Variants in LUZP1 observed in about 807,000 individuals in gnomAD.
LUZP1 encodes the protein leucine zipper protein 1.
In LUZP1, 25 loss-of-function variants were observed where a neutral mutation model predicts 71.3. That is an observed-to-expected ratio of 0.35 (90% CI 0.26 to 0.49). The LOEUF (loss-of-function observed/expected upper bound fraction) is 0.49. LUZP1 is among the 20% of genes least tolerant of loss of function. The pLI, the probability that LUZP1 is intolerant of heterozygous loss-of-function variation, is 0.99. For missense variants in LUZP1, 1,142 were observed against 1,300.8 expected, an observed-to-expected ratio of 0.88 and a Z score of 1.88; for synonymous variants, 481 against 506.4, an observed-to-expected ratio of 0.95 and a Z score of 0.67.
intron 2 of LUZP1, among the ~76,000 whole-genome samples, chr1:23,136,232 C>A (rs1007795661): frequency 6.6e-6 from 1 of 151,552 alleles, no homozygotes; most frequent in Middle Eastern, 3.2e-3. Context: ...CAGGGCCAGG[C>A]GCAGTGGCTC....
At chr1:23,153,662 TTTTTGTTTTG>T (rs370339175) in intron 2 of LUZP1, among the ~76,000 whole-genome samples, 12 of 152,308 alleles carry the variant, frequency 7.9e-5, no homozygotes, top group African/African-American at 9.6e-5. Context: ...CTCTTACCTG[TTTTTGTTTTG>T]TTTTGTTTTG....
chr1:23,142,696 TATATACACACACAC>T (rs1210176123), intron 2 of LUZP1, among the ~76,000 whole-genome samples: 1,196 of 90,858 alleles, frequency 0.013, 15 homozygotes, highest in East Asian at 0.051. Context: ...AATATATATA[TATATACACACACAC>T]ACACACACAC....
At chr1:23,166,412 T>C (rs1296136596) in intron 2 of LUZP1, among the ~76,000 whole-genome samples, 1 of 151,992 alleles carries the variant, frequency 6.6e-6, no homozygotes, top group Non-Finnish European at 1.5e-5. Context: ...CCCAGCACTT[T>C]GGGAGGCCGA....
rs1643814794 is a variant in LUZP1, at chr1:23,089,152, G to A, written c.3073-99C>T. 13 of 1,171,656 alleles carry A rather than the reference G, an allele frequency of 1.1e-5. No individual in the cohort carries two copies. The South Asian group carries it at 1.7e-4, about 15-fold the overall frequency. 72.6% of individuals were successfully genotyped at this position (1,171,656 alleles called of 1,614,324 possible). A position where few individuals can be genotyped will look rare whatever the true frequency, so the allele number is the denominator to read the frequency against. ...ATAGTGGGTCCTTTCCAACCCAGCA[G>A]AGGCAGATATAGCCCAGACAGGCCA... On this transcript the variant is annotated intron_variant, in intron 4 of 4. Transcript: ENST00000302291.
intron 2 of LUZP1, among the ~76,000 whole-genome samples, chr1:23,111,768 C>G (rs955389934): frequency 6.6e-6 from 1 of 151,766 alleles, no homozygotes; most frequent in Non-Finnish European, 1.5e-5. Flanking sequence ...TTCCCCCTCC[C>G]CACCCACCTT....
intron 2 of LUZP1, among the ~76,000 whole-genome samples, chr1:23,160,708 A>G (rs1644458082): frequency 6.6e-6 from 1 of 152,212 alleles, no homozygotes; most frequent in Non-Finnish European, 1.5e-5. Flanking sequence ...GCCAGTGAAA[A>G]TAACTGAGGA....
intron 2 of LUZP1, among the ~76,000 whole-genome samples, chr1:23,132,439 A>G: frequency 6.6e-6 from 1 of 152,110 alleles, no homozygotes; most frequent in East Asian, 1.9e-4. Flanking sequence ...GAGACCACAC[A>G]GAAAACTTTA....
At chr1:23,146,210 G>A (rs1185211827) in intron 2 of LUZP1, among the ~76,000 whole-genome samples, 2 of 152,024 alleles carry the variant, frequency 1.3e-5, no homozygotes, top group Non-Finnish European at 2.9e-5. Context: ...TAGAGACGGG[G>A]TTTCACCATG....
At chr1:23,142,700 TACACACACACACACAC>T (rs60316911) in intron 2 of LUZP1, among the ~76,000 whole-genome samples, 80 of 104,382 alleles carry the variant, frequency 7.7e-4, no homozygotes, top group Middle Eastern at 4.5e-3. Context: ...TATATATATA[TACACACACACACACAC>T]ACACACACAC....
At chr1:23,102,357 C>A (rs1320039550) in intron 3 of LUZP1, among the ~76,000 whole-genome samples, 1 of 152,124 alleles carries the variant, frequency 6.6e-6, no homozygotes, top group Admixed American at 6.5e-5. Flanking sequence ...CCTGTCCTGG[C>A]AGATCAGGAA....
intron 2 of LUZP1, among the ~76,000 whole-genome samples, chr1:23,157,425 C>G (rs909726900): frequency 1.3e-5 from 2 of 150,144 alleles, no homozygotes; most frequent in South Asian, 4.4e-4. Context: ...ACCTATAATC[C>G]CAGCACCTTG....
At chr1:23,140,408 G>C (rs562860215) in intron 2 of LUZP1, 1 of 152,240 alleles carries the variant, frequency 6.6e-6, no homozygotes, top group Non-Finnish European at 1.5e-5. Flanking sequence ...GGATCTTGCA[G>C]ATGCACAACC....
chr1:23,125,220 G>T (rs935759031), intron 2 of LUZP1, among the ~76,000 whole-genome samples: 3 of 152,110 alleles, frequency 2.0e-5, no homozygotes, highest in Non-Finnish European at 2.9e-5. Flanking sequence ...AGTATCAGTG[G>T]CATCGTTAAA....
chr1:23,157,355 T>C (rs1336745732), intron 2 of LUZP1, among the ~76,000 whole-genome samples: 1 of 152,002 alleles, frequency 6.6e-6, no homozygotes, highest in Non-Finnish European at 1.5e-5. Context: ...TAACTTCCCA[T>C]TTGGAGAGTT....
chr1:23,093,156 C>T lies in LUZP1; in HGVS notation c.1106G>A (p.Gly369Asp), dbSNP rs1287423296. ...TCTAAACTTAGTCCTCTCATGTCTG[C>T]CTTTGCTGGACAGGAAAGCATCTTC... The change falls in exon 4 of 5, where the codon GGC (glycine) becomes GAC (aspartate). Residue 369 changes from glycine to aspartate, a missense_variant. Physicochemically the swap from Gly to Asp is moderately conservative, Grantham distance 94. Transcript: ENST00000302291. This position sits in a 1 kb window ranked among gnomAD's most constrained non-coding sequence, Gnocchi z 4.2. The T allele has an allele frequency of 1.3e-5, 21 of 1,613,990 alleles. No individual in the cohort carries two copies. Among genetic ancestry groups the T allele is most frequent in the Non-Finnish European group, 1.8e-5 (21 of 1,180,014 alleles).
chr1:23,143,397 TAATA>T (rs1430172627), intron 2 of LUZP1, among the ~76,000 whole-genome samples: 1 of 152,174 alleles, frequency 6.6e-6, no homozygotes, highest in Non-Finnish European at 1.5e-5. Context: ...ACTAAGGAAA[TAATA>T]AATAGTGGGC....
At chr1:23,113,272 G>A (rs1475600270) in intron 2 of LUZP1, among the ~76,000 whole-genome samples, 1 of 152,112 alleles carries the variant, frequency 6.6e-6, no homozygotes, top group Non-Finnish European at 1.5e-5. Context: ...GCCAGGTGTG[G>A]TGATACATGC....
intron 2 of LUZP1, among the ~76,000 whole-genome samples, chr1:23,142,306 T>C (rs1397198238): frequency 6.6e-6 from 1 of 152,182 alleles, no homozygotes; most frequent in African/African-American, 2.4e-5. Flanking sequence ...CTCTAAATTT[T>C]CAAAGGTCTT....
intron 2 of LUZP1, among the ~76,000 whole-genome samples, chr1:23,152,703 G>A (rs1165583120): frequency 3.3e-5 from 5 of 151,934 alleles, no homozygotes; most frequent in Non-Finnish European, 7.4e-5. Context: ...GCTACTTTTT[G>A]TATTTTTAGT....
Sources: gnomAD v4.1 joint callset for allele counts (sites outside exome capture counted in the v4.1 genomes callset) on GRCh38, gnomAD v4.1.1 for gene constraint, Gnocchi (gnomAD v3.1) non-coding constraint, MANE v1.5 for transcripts, NCBI Gene and HGNC (gene_info 2026-07-23, HGNC 2026-07-21) for gene names.